The following WDR87 variants were observed in gnomAD, a reference collection of about 807,000 sequenced individuals.
WDR87 encodes the protein WD repeat domain 87.
A neutral mutation model predicts 83.3 loss-of-function variants in WDR87; 56 were observed. The observed-to-expected ratio is 0.67, with a 90% CI of 0.54 to 0.84. The LOEUF (loss-of-function observed/expected upper bound fraction) is 0.84, where lower values mean the gene tolerates loss of function less well. WDR87 is among the 40% of genes least tolerant of loss of function. The pLI is 0.00. For missense variants in WDR87, 2,939 were observed against 3,431.9 expected (o/e 0.86, Z 3.59); for synonymous variants, 1,173 against 1,250.6 (o/e 0.94, Z 1.31).
rs1290227891 is a variant in WDR87, at chr19:37,890,114, A to G, written c.3557T>C (p.Ile1186Thr). ...YSQWSSSTSVIKLSKDVDSQE... is the reference protein window; with the variant it reads ...YSQWSSSTSVTKLSKDVDSQE... ...AGAATCAACATCTTTTGAGAGCTTT[A>G]TTACACTGGTGCTTGAAGACCATTG... Residue 1186 changes from isoleucine to threonine, a missense_variant, in exon 6 of 6, where the codon ATA becomes ACA. Ile to Thr is a moderately conservative substitution (Grantham distance 89). Coordinates refer to ENST00000447313, the MANE Select transcript of WDR87 (RefSeq NM_001291088.2). 6.4e-7 allele frequency: 1 copy of G among 1,551,818 alleles called. No individual in the cohort carries two copies. The highest frequency in any genetic ancestry group is 8.7e-7 in the Non-Finnish European group (1 of 1,147,064).
chr19:37,891,553 A>G lies in WDR87; in HGVS notation c.3393T>C (p.His1131=), dbSNP rs773011254. The G allele has an allele frequency of 1.2e-5, 18 of 1,551,906 alleles. No homozygotes were observed. The South Asian group carries it at 1.9e-4, about 16-fold the overall frequency. Residue 1131 remains histidine, a splice_region_variant and synonymous_variant, in exon 5 of 6, where the codon CAT becomes CAC. Coordinates refer to ENST00000447313, the MANE Select transcript of WDR87 (RefSeq NM_001291088.2). ...CAGACCAGATTACCCCTTACATACTATGCTTTTTGACCCCTGCTTGGCCTC... is the reference window on the plus strand; with the variant it reads ...CAGACCAGATTACCCCTTACATACTGTGCTTTTTGACCCCTGCTTGGCCTC... ...QRRGQAGVKK[H]SQKWLRGLKK... is the part of the protein sequence containing the mutation.
chr19:37,892,450 G>A, intron 4 of WDR87, 128 bp downstream of exon 4: 2 of 867,138 alleles, frequency 2.3e-6, no homozygotes, highest in Non-Finnish European at 3.5e-6. Flanking sequence ...AGTCATCTAG[G>A]CGTGAGCAAA....
rs990783961 is a variant in WDR87 at position 37,885,617 on chromosome 19, T to C, written c.8054A>G (p.Tyr2685Cys). The C allele has an allele frequency of 3.2e-6, 5 of 1,551,776 alleles. No homozygotes were observed. The highest frequency in any genetic ancestry group is 4.4e-6 in the Non-Finnish European group (5 of 1,147,014). ...TATCTGCTGTGCCCTCTCACTTCTG[T>C]AAGGTTCTCCTAGAAGATGCCAATT... ...AKNWHLLGEP[Y>C]RSERAQQISI... Residue 2685 changes from tyrosine (Y) to cysteine (C), a missense_variant, in exon 6 of 6, where the codon TAC becomes TGC. Physicochemically the swap from Tyr to Cys is radical, Grantham distance 194. Around this residue, in one of 3 missense-constraint regions of WDR87, gnomAD observed 2,160 missense variants for 2,533.1 expected, o/e 0.85. Coordinates refer to ENST00000447313, the MANE Select transcript of WDR87 (RefSeq NM_001291088.2).
rs574073843 is a variant in WDR87, at chr19:37,905,686, G to A, written c.-47+813C>T. 1.3e-3 allele frequency among the ~76,000 whole-genome samples: 205 copies of A among 152,126 alleles called. 1 individual carries two copies. Among genetic ancestry groups the A allele is most frequent in the Non-Finnish European group, 2.5e-3 (170 of 68,004 alleles). On this transcript the variant is annotated intron_variant, in intron 1 of 5. Coordinates refer to ENST00000447313, the MANE Select transcript of WDR87 (RefSeq NM_001291088.2). ...TAAGCGATACTCAGCCTCTTAAATA[G>A]CTGGGACTATGGCCACATGCCACCA...
intron 1 of WDR87, among the ~76,000 whole-genome samples, chr19:37,904,748 T>C (rs2046313346): frequency 6.6e-6 from 1 of 152,224 alleles, no homozygotes; most frequent in African/African-American, 2.4e-5. Flanking sequence ...TATTAATACA[T>C]ATAACTCATT....
intron 1 of WDR87, among the ~76,000 whole-genome samples, chr19:37,900,151 AT>A (rs1334663312): frequency 6.6e-6 from 1 of 152,132 alleles, no homozygotes; most frequent in Non-Finnish European, 1.5e-5. Context: ...AACATCAATC[AT>A]TTCATTAGTT....
chr19:37,906,210 C>T (rs1198180715), intron 1 of WDR87, among the ~76,000 whole-genome samples: 1 of 152,104 alleles, frequency 6.6e-6, no homozygotes, highest in South Asian at 2.1e-4. Context: ...CGGGGTATTC[C>T]GCTGCTTGGT....
rs1009369554 is a variant in WDR87, at chr19:37,894,871, T to C, written c.832A>G (p.Ser278Gly). 7 of 1,551,676 alleles carry C rather than the reference T, an allele frequency of 4.5e-6. No homozygotes were observed. The highest frequency in any genetic ancestry group is 1.2e-5 in the South Asian group (1 of 84,062). Reference sequence around the variant, plus strand: ...ACTCCTGATTGATGGGCCTGGAAACTGTGGAGTGGATGGCCCTGCTGGAGG... The same window carrying C: ...ACTCCTGATTGATGGGCCTGGAAACCGTGGAGTGGATGGCCCTGCTGGAGG... ...WSLQQGHPLH[S>G]FQAHQSGVIC... The change falls in exon 4 of 6, where the codon AGT (serine) becomes GGT (glycine). Residue 278 changes from serine (S) to glycine (G), a missense_variant. Physicochemically the swap from Ser to Gly is moderately conservative, Grantham distance 56. Coordinates refer to ENST00000447313, the MANE Select transcript of WDR87 (RefSeq NM_001291088.2).
intron 1 of WDR87, among the ~76,000 whole-genome samples, chr19:37,902,952 G>C (rs1054619048): frequency 1.3e-5 from 2 of 152,200 alleles, no homozygotes; most frequent in African/African-American, 4.8e-5. Flanking sequence ...GGAAATTCTA[G>C]GTGATGGGTT....
Position 37,896,268 on chromosome 19 carries a change from C to T in WDR87, c.116G>A (p.Ser39Asn), listed in dbSNP as rs907967441. The change falls in exon 3 of 6, where the codon AGT (serine) becomes AAT (asparagine). Residue 39 changes from serine to asparagine, a missense_variant. Transcript: ENST00000447313. ...TTTGAACAGTACCTGGGACCGGTCA[C>T]TCAGCACAATCAGGCAGTTCTTTGG... ...EDPKNCLIVL[S>N]DRSQVLFKES... 2.6e-5 allele frequency: 40 copies of T among 1,551,846 alleles called. No homozygotes were observed. Among genetic ancestry groups the T allele is most frequent in the Non-Finnish European group, 3.5e-5 (40 of 1,147,052 alleles).
chr19:37,891,431 G>T (rs1216510455), intron 5 of WDR87, 121 bp downstream of exon 5: 2 of 1,304,430 alleles, frequency 1.5e-6, no homozygotes, highest in African/African-American at 1.5e-5. Flanking sequence ...CCCAGTGCTG[G>T]AATTACAGGC....
At chr19:37,890,397 A>C in intron 5 of WDR87, 121 bp from the exon 6 acceptor site, 1 of 1,207,842 alleles carries the variant, frequency 8.3e-7, no homozygotes, top group Non-Finnish European at 1.1e-6. Flanking sequence ...GAGAGAACTG[A>C]GGCCTTAAAA....
chr19:37,888,791 C>T lies in WDR87; in HGVS notation c.4880G>A (p.Arg1627Gln), dbSNP rs755582407. ...HRKRARAEKK[R>Q]AQEERKLAQE... is the part of the protein sequence containing the mutation. ...TGCTAATTTCCTCTCTTCTTGGGCT[C>T]GTTTTTTTTCAGCTCGGGCTCGTTT... The change falls in exon 6 of 6, where the codon CGA becomes CAA. Residue 1627 changes from arginine (R) to glutamine (Q), a missense_variant. Arg to Gln is a conservative substitution (Grantham distance 43). Around this residue, in one of 3 missense-constraint regions of WDR87, gnomAD observed 2,160 missense variants for 2,533.1 expected, o/e 0.85. Coordinates refer to ENST00000447313, the MANE Select transcript of WDR87 (RefSeq NM_001291088.2). 1.0e-5 allele frequency: 16 copies of T among 1,551,504 alleles called. No individual in the cohort carries two copies. The highest frequency in any genetic ancestry group is 7.9e-5 in the Admixed American group (4 of 50,940).
In WDR87 at chr19:37,892,717, T is replaced by C. The variant is rs199935118; in HGVS notation, c.2986A>G (p.Met996Val). The C allele has an allele frequency of 2.8e-4, 439 of 1,551,740 alleles. 3 individuals are homozygous for C. Among genetic ancestry groups the C allele is most frequent in the Middle Eastern group, 3.3e-4 (2 of 6,014 alleles). Residue 996 changes from methionine to valine, a missense_variant, in exon 4 of 6, where the codon ATG becomes GTG. Coordinates refer to ENST00000447313, the MANE Select transcript of WDR87 (RefSeq NM_001291088.2). ...TCCATTAATCCTTGAGCCAGAGGCATGGCAAAAAGATGAGTAATCATTCCT... is the reference window on the plus strand; with the variant it reads ...TCCATTAATCCTTGAGCCAGAGGCACGGCAAAAAGATGAGTAATCATTCCT... ...RLGMITHLFA[M>V]PLAQGLMDKD... is the part of the protein sequence containing the mutation.
chr19:37,889,919 T>C lies in WDR87; in HGVS notation c.3752A>G (p.Glu1251Gly). Residue 1251 changes from glutamate (E) to glycine (G), a missense_variant, in exon 6 of 6, where the codon GAA becomes GGA. By Grantham distance (98) the Glu-to-Gly change is moderately conservative. This residue lies in a region of WDR87 where 2,160 missense variants were observed against 2,533.1 expected (regional missense o/e 0.85). Transcript: ENST00000447313. ...INEETTPPVMEQPVTKKVKIQ... is the reference protein window; with the variant it reads ...INEETTPPVMGQPVTKKVKIQ... Reference sequence around the variant, plus strand: ...TTTAACCTTTTTAGTAACTGGCTGTTCCATTACAGGAGGTGTAGTTTCCTC... The same window carrying C: ...TTTAACCTTTTTAGTAACTGGCTGTCCCATTACAGGAGGTGTAGTTTCCTC... 12 of 1,551,618 alleles carry C rather than the reference T, an allele frequency of 7.7e-6. No homozygotes were observed. Among genetic ancestry groups the C allele is most frequent in the Non-Finnish European group, 1.0e-5 (12 of 1,146,986 alleles).
intron 1 of WDR87, among the ~76,000 whole-genome samples, chr19:37,898,496 A>G (rs913735604): frequency 4.6e-5 from 7 of 152,156 alleles, no homozygotes; most frequent in African/African-American, 1.7e-4. Context: ...GCTTGGAGAG[A>G]GCAAATTGGG....
At position 37,905,939 on chromosome 19, in the gene WDR87, T is replaced by G. The variant is rs1168117305; in HGVS notation, c.-47+560A>C. Among the ~76,000 whole-genome samples the G allele has an allele frequency of 4.2e-5, 6 of 141,782 alleles. No individual in the cohort carries two copies. The East Asian group carries it at 5.8e-4, about 14-fold the overall frequency. 93.0% of individuals were successfully genotyped at this position (141,782 alleles called of 152,430 possible). The stretch of plus-strand genomic sequence containing the variant: ...GAGTCCAGTCTGTCTGGATTTCTCT[T>G]GTGTCTCCATAATCACCCAACCTGA... On this transcript the variant is annotated intron_variant, in intron 1 of 5. Transcript: ENST00000447313.
chr19:37,893,756 A>C lies in WDR87; in HGVS notation c.1947T>G (p.Phe649Leu). ...GGTCATTTGCAAAACAGACTGGGCCAAAGTGCAGTGATGAGTCCAGAATGC... is the reference window on the plus strand; with the variant it reads ...GGTCATTTGCAAAACAGACTGGGCCCAAGTGCAGTGATGAGTCCAGAATGC... ...LIGILDSSLH[F>L]GPVCFANDRG... The change falls in exon 4 of 6, where the codon TTT (phenylalanine) becomes TTG (leucine). Residue 649 changes from phenylalanine to leucine, a missense_variant. Phe to Leu is a conservative substitution (Grantham distance 22, BLOSUM62 0). Transcript: ENST00000447313. 2 of 1,551,664 alleles carry C rather than the reference A, an allele frequency of 1.3e-6. No homozygotes were observed. The highest frequency in any genetic ancestry group is 1.4e-5 in the African/African-American group (1 of 73,176).
chr19:37,904,034 G>A lies in WDR87; in HGVS notation c.-47+2465C>T, dbSNP rs113547524. 6.0e-3 allele frequency among the ~76,000 whole-genome samples: 907 copies of A among 150,244 alleles called. 11 individuals carry two copies. Among genetic ancestry groups the A allele is most frequent in the African/African-American group, 0.021 (857 of 40,866 alleles). On this transcript the variant is annotated intron_variant, in intron 1 of 5. Transcript: ENST00000447313. ...CGCCGTTTTCCTGCCTCAGCCTCCC[G>A]AGTAGCTACAGGCGCCCGCCACCAT...
Sources: gnomAD v4.1 joint callset for allele counts (sites outside exome capture counted in the v4.1 genomes callset) on GRCh38, gnomAD v4.1.1 for gene constraint, gnomAD v4.1.1 regional missense constraint, MANE v1.5 for transcripts, NCBI Gene and HGNC (gene_info 2026-07-23, HGNC 2026-07-21) for gene names.